Variants in WRN observed in about 807,000 individuals in gnomAD.
WRN encodes bifunctional 3'-5' exonuclease/ATP-dependent helicase WRN.
In WRN, 149 loss-of-function variants were observed where a neutral mutation model predicts 180.7. The observed-to-expected ratio is 0.82, with a 90% CI of 0.72 to 0.94. The LOEUF (loss-of-function observed/expected upper bound fraction) is 0.94, where lower values mean the gene tolerates loss of function less well. Ranked by LOEUF, WRN falls within the 40% of genes least tolerant of loss-of-function variation. WRN has a pLI of 0.00. For synonymous variants in WRN, 548 were observed against 568.9 expected (o/e 0.96, Z 0.52); for missense variants, 1,661 against 1,700.1 (o/e 0.98, Z 0.40).
intron 18 of WRN, among the ~76,000 whole-genome samples, chr8:31,108,673 A>T (rs893415521): frequency 6.6e-6 from 1 of 152,128 alleles, no homozygotes; most frequent in Non-Finnish European, 1.5e-5. Context: ...ACCTGGGTAC[A>T]TTTTGCAAAG....
intron 1 of WRN, among the ~76,000 whole-genome samples, chr8:31,043,419 C>T (rs992673247): frequency 6.6e-6 from 1 of 152,106 alleles, no homozygotes; most frequent in African/African-American, 2.4e-5. Context: ...CACCTGTAGT[C>T]TTGGTGATGA....
At chr8:31,090,313 ATTGT>A in intron 13 of WRN, 148 bp from the exon 14 acceptor site, 1 of 705,220 alleles carries the variant, frequency 1.4e-6, no homozygotes, top group East Asian at 2.7e-5. Flanking sequence ...GTCAAATGGC[ATTGT>A]TTGTTTTAAA....
chr8:31,065,337 G>A (rs1462208231), intron 5 of WRN, among the ~76,000 whole-genome samples: 5 of 151,948 alleles, frequency 3.3e-5, no homozygotes, highest in Admixed American at 6.6e-5. Context: ...TTTATCACCC[G>A]GGTATTAAGC....
At chr8:31,072,341 G>C (rs1447689658) in intron 7 of WRN, among the ~76,000 whole-genome samples, 1 of 152,202 alleles carries the variant, frequency 6.6e-6, no homozygotes, top group African/African-American at 2.4e-5. Flanking sequence ...TTGCTGTACT[G>C]GGTAGCAAAA....
At chr8:31,166,612 A>G (rs1249744475) in intron 33 of WRN, among the ~76,000 whole-genome samples, 1 of 152,172 alleles carries the variant, frequency 6.6e-6, no homozygotes, top group African/African-American at 2.4e-5. Flanking sequence ...TTATTTTTAT[A>G]CTTGATCTTA....
At chr8:31,087,526 G>A in intron 11 of WRN, 1 of 383,712 alleles carries the variant, frequency 2.6e-6, no homozygotes, top group Non-Finnish European at 4.8e-6. Context: ...TTCCCCAGGG[G>A]CAGTTTATTA....
At chr8:31,038,597 C>T (rs1042498209) in intron 1 of WRN, among the ~76,000 whole-genome samples, 2 of 151,980 alleles carry the variant, frequency 1.3e-5, no homozygotes, top group Non-Finnish European at 2.9e-5. Context: ...TCTTTTATTA[C>T]CTATGCTTTT....
At chr8:31,053,638 G>A (rs1053517701) in intron 1 of WRN, among the ~76,000 whole-genome samples, 2 of 152,166 alleles carry the variant, frequency 1.3e-5, no homozygotes, top group African/African-American at 4.8e-5. Context: ...CTGACATTTT[G>A]AACACTTGAA....
In WRN at chr8:31,174,155, G is replaced by C. The variant is rs1035715074; in HGVS notation, c.*1053G>C. Among the ~76,000 whole-genome samples, 3 of 152,070 alleles carry C rather than the reference G, an allele frequency of 2.0e-5. No homozygotes were observed. Among genetic ancestry groups the C allele is most frequent in the Non-Finnish European group, 4.4e-5 (3 of 68,018 alleles). ...TTTTTAGTTAAAATATAAAAGTCTCGTATATTCCCATTTTTCTGCATTGCA... is the reference window on the plus strand; with the variant it reads ...TTTTTAGTTAAAATATAAAAGTCTCCTATATTCCCATTTTTCTGCATTGCA... On this transcript the variant is annotated 3_prime_UTR_variant, in exon 35 of 35. Transcript: ENST00000298139.
chr8:31,130,540 A>T (rs531467566), intron 23 of WRN, among the ~76,000 whole-genome samples: 1 of 152,034 alleles, frequency 6.6e-6, no homozygotes, highest in African/African-American at 2.4e-5. Context: ...TTCTAAATCT[A>T]TTTAAATGAA....
chr8:31,064,134 T>G (rs958533714), intron 3 of WRN, among the ~76,000 whole-genome samples, 155 bp from the exon 4 acceptor site: 1 of 152,224 alleles, frequency 6.6e-6, no homozygotes, highest in African/African-American at 2.4e-5. Flanking sequence ...TTTCAAGAAA[T>G]TTTACATATT....
intron 23 of WRN, among the ~76,000 whole-genome samples, chr8:31,130,999 C>A (rs1802142136): frequency 6.6e-6 from 1 of 151,724 alleles, no homozygotes; most frequent in African/African-American, 2.4e-5. Flanking sequence ...TCAATCTAAA[C>A]ATATTATTGG....
intron 8 of WRN, among the ~76,000 whole-genome samples, chr8:31,080,124 A>C (rs1048020151): frequency 6.6e-6 from 1 of 152,048 alleles, no homozygotes; most frequent in Non-Finnish European, 1.5e-5. Flanking sequence ...CAAGTGATTC[A>C]CCTGCCTCAG....
intron 23 of WRN, among the ~76,000 whole-genome samples, chr8:31,127,596 A>C (rs1801976147): frequency 6.6e-6 from 1 of 151,960 alleles, no homozygotes; most frequent in Admixed American, 6.6e-5. Context: ...AAAAAAAAAC[A>C]AAAACAAAAA....
Position 31,058,354 on chromosome 8 carries a change from G to T in WRN, c.-76-18G>T. 9.7e-7 allele frequency: 1 copy of T among 1,033,040 alleles called. No homozygotes were observed. The highest frequency in any genetic ancestry group is 1.5e-6 in the Non-Finnish European group (1 of 677,528). 64.0% of individuals were successfully genotyped at this position (1,033,040 alleles called of 1,614,324 possible). On this transcript the variant is annotated intron_variant, in intron 1 of 34. Coordinates refer to ENST00000298139, the MANE Select transcript of WRN (RefSeq NM_000553.6). ...TGTATGTTTGGTTTTCATTCATATT[G>T]ACAGTACTACCTCTCAGTTTTCTTT...
chr8:31,157,262 T>A, intron 32 of WRN, 106 bp from the exon 33 acceptor site: 2 of 1,495,422 alleles, frequency 1.3e-6, no homozygotes, highest in South Asian at 2.3e-5. Flanking sequence ...GTTCATTGTT[T>A]ATTTCACACT....
intron 18 of WRN, among the ~76,000 whole-genome samples, chr8:31,102,692 G>A (rs73581802): frequency 0.024 from 3,693 of 152,294 alleles, 139 homozygotes; most frequent in African/African-American, 0.085. Context: ...TGTAGGACTG[G>A]AAGTTGCTCT....
intron 2 of WRN, among the ~76,000 whole-genome samples, chr8:31,058,776 T>G (rs998297887): frequency 6.6e-6 from 1 of 152,230 alleles, no homozygotes; most frequent in Non-Finnish European, 1.5e-5. Context: ...CTTTACCAGT[T>G]TGTTCTAGTT....
intron 34 of WRN, 88 bp downstream of exon 34, chr8:31,167,318 T>C: frequency 9.1e-7 from 1 of 1,103,512 alleles, no homozygotes; most frequent in East Asian, 2.6e-5. Context: ...TTTTGAACTG[T>C]TATGAATTCT....
Sources: gnomAD v4.1 joint callset for allele counts (sites outside exome capture counted in the v4.1 genomes callset) on GRCh38, gnomAD v4.1.1 for gene constraint, MANE v1.5 for transcripts, NCBI Gene and HGNC (gene_info 2026-07-23, HGNC 2026-07-21) for gene names.